TRIM24: variants seen among roughly 807,000 people sequenced by gnomAD.
TRIM24 encodes tripartite motif containing 24, also known as transcription intermediary factor 1-alpha.
In TRIM24, 29 loss-of-function variants were observed where a neutral mutation model predicts 123.9. The ratio of observed to expected loss-of-function variants is 0.23; its 90% CI spans 0.17 to 0.32. The LOEUF (loss-of-function observed/expected upper bound fraction) is 0.32. Among genes scored for constraint, TRIM24 ranks in the 10% least tolerant of loss-of-function variants. The pLI is 1.00. For missense variants in TRIM24, 932 were observed against 1,295.3 expected, an observed-to-expected ratio of 0.72 and a Z score of 4.31; for synonymous variants, 456 against 461.1, an observed-to-expected ratio of 0.99 and a Z score of 0.14.
At chr7:138,560,231 G>T (rs1299880853) in intron 9 of TRIM24, among the ~76,000 whole-genome samples, 1 of 152,216 alleles carries the variant, frequency 6.6e-6, no homozygotes, top group African/African-American at 2.4e-5. Flanking sequence ...TATAGGCTAT[G>T]TGTAACTTCC....
intron 3 of TRIM24, among the ~76,000 whole-genome samples, chr7:138,516,019 G>T (rs1411347659): frequency 6.6e-6 from 1 of 152,046 alleles, no homozygotes; most frequent in Admixed American, 6.6e-5. Flanking sequence ...CAATTTTCTG[G>T]CCGGGCGCGG....
At chr7:138,550,358 G>A (rs1189231609) in intron 7 of TRIM24, among the ~76,000 whole-genome samples, 1 of 150,848 alleles carries the variant, frequency 6.6e-6, no homozygotes, top group Non-Finnish European at 1.5e-5. Context: ...AAGTCTTACA[G>A]GACCTGGTGG....
intron 1 of TRIM24, among the ~76,000 whole-genome samples, chr7:138,472,573 T>G (rs1425259238): frequency 6.6e-6 from 1 of 152,270 alleles, no homozygotes; most frequent in East Asian, 1.9e-4. Flanking sequence ...AGTTTTGAAG[T>G]TGACCAATAA....
chr7:138,499,049 G>T (rs570437422), intron 1 of TRIM24, among the ~76,000 whole-genome samples: 1 of 151,976 alleles, frequency 6.6e-6, no homozygotes, highest in Non-Finnish European at 1.5e-5. Flanking sequence ...AGAGGGGAGA[G>T]TTGAAATCAA....
intron 9 of TRIM24, among the ~76,000 whole-genome samples, chr7:138,563,890 A>G (rs1797478459): frequency 6.6e-6 from 1 of 152,132 alleles, no homozygotes. Flanking sequence ...CATGATTTGA[A>G]TCCCAGTGGG....
chr7:138,558,411 A>G (rs1797360145), intron 9 of TRIM24, among the ~76,000 whole-genome samples: 1 of 152,100 alleles, frequency 6.6e-6, no homozygotes, highest in Admixed American at 6.5e-5. Flanking sequence ...CAAGCTTGTG[A>G]ATGTTGGTTC....
chr7:138,545,478 T>C (rs1223194827), intron 7 of TRIM24: 1 of 456,726 alleles, frequency 2.2e-6, no homozygotes, highest in Non-Finnish European at 4.4e-6. Context: ...CCAGAGAAGG[T>C]GTTTAGAAAG....
chr7:138,476,096 TTAA>T (rs1208606830), intron 1 of TRIM24, among the ~76,000 whole-genome samples: 1 of 152,094 alleles, frequency 6.6e-6, no homozygotes, highest in Non-Finnish European at 1.5e-5. Context: ...TAGGAGCATA[TTAA>T]TAATAGAAGA....
chr7:138,533,803 C>T (rs999251680), intron 6 of TRIM24, among the ~76,000 whole-genome samples: 2 of 152,128 alleles, frequency 1.3e-5, no homozygotes, highest in African/African-American at 4.8e-5. Flanking sequence ...CCAGCTCCTC[C>T]TTGTACCTCT....
At chr7:138,538,325 G>A (rs1208874094) in intron 6 of TRIM24, among the ~76,000 whole-genome samples, 1 of 152,166 alleles carries the variant, frequency 6.6e-6, no homozygotes, top group Non-Finnish European at 1.5e-5. Context: ...CAGTACATCT[G>A]TTTTATTTGT....
At chr7:138,537,310 G>A (rs753013047) in intron 6 of TRIM24, among the ~76,000 whole-genome samples, 12 of 150,190 alleles carry the variant, frequency 8.0e-5, no homozygotes, top group Non-Finnish European at 1.5e-4. Flanking sequence ...CGTCACTCAC[G>A]CTGGGAGCTG....
intron 8 of TRIM24, 101 bp downstream of exon 8, chr7:138,551,281 G>T: frequency 9.7e-7 from 1 of 1,027,994 alleles, no homozygotes; most frequent in African/African-American, 1.6e-5. Context: ...GCTGGGCACG[G>T]TGGCTCACAT....
chr7:138,460,790 G>T lies in TRIM24; in HGVS notation c.242G>T (p.Cys81Phe). ...LPCLHSFCQR[C>F]LPAPQRYLML... ...TGCCTGCACTCTTTCTGCCAGCGCTGCCTGCCCGCGCCCCAGCGCTACCTC... is the reference window on the plus strand; with the variant it reads ...TGCCTGCACTCTTTCTGCCAGCGCTTCCTGCCCGCGCCCCAGCGCTACCTC... Residue 81 changes from cysteine (C) to phenylalanine (F), a missense_variant, in exon 1 of 19, where the codon TGC becomes TTC. Coordinates refer to ENST00000343526, the MANE Select transcript of TRIM24 (RefSeq NM_015905.3). 1.3e-6 allele frequency: 2 copies of T among 1,583,290 alleles called. No individual in the cohort carries two copies. Among genetic ancestry groups the T allele is most frequent in the Non-Finnish European group, 8.6e-7 (1 of 1,168,110 alleles).
chr7:138,520,833 G>A (rs973104821), intron 4 of TRIM24, among the ~76,000 whole-genome samples: 2 of 152,122 alleles, frequency 1.3e-5, no homozygotes, highest in African/African-American at 2.4e-5. Context: ...TCATCAGCAA[G>A]AGGAGGATGA....
chr7:138,529,255 A>G (rs183788548), intron 6 of TRIM24, 25 bp downstream of exon 6: 2 of 1,187,576 alleles, frequency 1.7e-6, no homozygotes, highest in East Asian at 2.6e-5. Flanking sequence ...ATGGGATAGT[A>G]TATTGATTCA....
At chr7:138,539,791 AT>A (rs2116610792) in intron 7 of TRIM24, among the ~76,000 whole-genome samples, 1 of 148,236 alleles carries the variant, frequency 6.7e-6, no homozygotes, top group African/African-American at 2.5e-5. Flanking sequence ...ATATACCTCA[AT>A]TAAGTAATCT....
intron 1 of TRIM24, among the ~76,000 whole-genome samples, chr7:138,503,589 A>G (rs1425840718): frequency 6.6e-6 from 1 of 150,660 alleles, no homozygotes; most frequent in Non-Finnish European, 1.5e-5. Flanking sequence ...GCAGTCTTCC[A>G]TAGTTTAAAT....
intron 1 of TRIM24, among the ~76,000 whole-genome samples, chr7:138,473,571 A>C (rs746380265): frequency 1.2e-4 from 19 of 152,190 alleles, no homozygotes; most frequent in Non-Finnish European, 2.5e-4. Context: ...GTCTGTGTGA[A>C]TATTCTGTTC....
In TRIM24 at chr7:138,585,302, T is replaced by G. The variant is rs1797991543; in HGVS notation, c.*351T>G. ...GCTACTGTAGAAAGGAAATAGACTT[T>G]GTATGAACTCTTTAAGTTGAAAAGT... On this transcript the variant is annotated 3_prime_UTR_variant, in exon 19 of 19. Transcript: ENST00000343526. The G allele has an allele frequency of 1.2e-5, 3 of 251,208 alleles. No individual in the cohort carries two copies. The highest frequency in any genetic ancestry group is 2.2e-5 in the African/African-American group (1 of 44,994). 15.6% of individuals were successfully genotyped at this position (251,208 alleles called of 1,614,324 possible). A position where few individuals can be genotyped will look rare whatever the true frequency, so the allele number is the denominator to read the frequency against.
Sources: allele counts gnomAD v4.1 joint callset (sites outside exome capture counted in the v4.1 genomes callset), GRCh38; gene constraint gnomAD v4.1.1; transcripts MANE v1.5; gene names NCBI Gene and HGNC (gene_info 2026-07-23, HGNC 2026-07-21).